C1orf159: variants seen among roughly 807,000 people sequenced by gnomAD.
C1orf159 encodes uncharacterized protein C1orf159.
Under a neutral mutation model 25.6 loss-of-function variants are expected in C1orf159, and 19 were observed. The observed-to-expected ratio is 0.74, with a 90% CI of 0.52 to 1.09. C1orf159 has a LOEUF of 1.09. C1orf159 is among the 50% of genes least tolerant of loss of function. The probability of loss-of-function intolerance (pLI) is 0.00; values close to 1 mark genes in which losing one functional copy is unlikely to be tolerated. For missense variants in C1orf159, 274 were observed against 290.6 expected (o/e 0.94, Z 0.42); for synonymous variants, 139 against 124.7 (o/e 1.12, Z -0.77).
At chr1:1,098,974 C>A (rs1440041579) in intron 1 of C1orf159, among the ~76,000 whole-genome samples, 2 of 134,814 alleles carry the variant, frequency 1.5e-5, no homozygotes, top group East Asian at 4.1e-4. Context: ...TACTCAGATC[C>A]CCCATGTCTT....
chr1:1,093,901 C>T (rs1645975030), intron 1 of C1orf159, among the ~76,000 whole-genome samples: 1 of 152,142 alleles, frequency 6.6e-6, no homozygotes, highest in Non-Finnish European at 1.5e-5. Context: ...CTCCCACTGG[C>T]GATGTGGGTG....
At position 1,086,094 on chromosome 1, in the gene C1orf159, C is replaced by G. The variant is rs1416058568; in HGVS notation, c.311-82G>C. The G allele has an allele frequency of 2.0e-6, 3 of 1,511,164 alleles. No homozygotes were observed. In the African/African-American group the frequency reaches 4.1e-5, roughly 21 times the overall value. 93.6% of individuals were successfully genotyped at this position (1,511,164 alleles called of 1,614,324 possible). ...GGCCCCCGGTGCCCCCTGCACATGG[C>G]AGATGCGCTGCTCTCTGAACATGCC... On this transcript the variant is annotated intron_variant, in intron 6 of 9. Coordinates refer to ENST00000421241, the MANE Select transcript of C1orf159 (RefSeq NM_017891.5).
At chr1:1,093,473 C>A (rs1645968982) in intron 1 of C1orf159, among the ~76,000 whole-genome samples, 1 of 152,230 alleles carries the variant, frequency 6.6e-6, no homozygotes, top group African/African-American at 2.4e-5. Flanking sequence ...AGGACGGTGC[C>A]CGGTCCCACA....
chr1:1,109,949 G>A (rs769032210), intron 1 of C1orf159, among the ~76,000 whole-genome samples: 6 of 152,330 alleles, frequency 3.9e-5, no homozygotes, highest in South Asian at 2.1e-4. Flanking sequence ...AGTTATGGCC[G>A]TGAAATGGGG....
chr1:1,105,421 G>A (rs138831851), intron 1 of C1orf159, among the ~76,000 whole-genome samples: 11 of 152,110 alleles, frequency 7.2e-5, no homozygotes, highest in African/African-American at 2.2e-4. Context: ...TGGGAGGATC[G>A]CTTGAGTCCA....
At chr1:1,090,489 G>A (rs1645911241) in intron 3 of C1orf159, 61 bp from the exon 4 acceptor site, 1 of 1,508,192 alleles carries the variant, frequency 6.6e-7, no homozygotes, top group Non-Finnish European at 9.0e-7. Flanking sequence ...CACGCCCAGA[G>A]CAGCAGCGGC....
At chr1:1,083,338 G>A (rs779392832) in intron 9 of C1orf159, 4 of 258,586 alleles carry the variant, frequency 1.5e-5, no homozygotes, top group African/African-American at 2.3e-5. Flanking sequence ...CCTCGAATGT[G>A]ACCTTATTTA....
chr1:1,109,441 T>C lies in C1orf159; in HGVS notation c.-136+6619A>G, dbSNP rs1466836683. On this transcript the variant is annotated intron_variant, in intron 1 of 9. Transcript: ENST00000421241. ...CTTTCCTTTTTCCTTTCCTCTTTTC[T>C]CCTTTCTTTCCTTTCCTCCTTTTTA... is the stretch of plus-strand genomic sequence containing the variant. Among the ~76,000 whole-genome samples the C allele has an allele frequency of 3.9e-5, 6 of 152,098 alleles. No individual in the cohort carries two copies. The East Asian group carries it at 1.2e-3, about 29-fold the overall frequency.
intron 7 of C1orf159, among the ~76,000 whole-genome samples, chr1:1,084,732 T>A (rs1378540476): frequency 6.6e-6 from 1 of 152,086 alleles, no homozygotes; most frequent in Non-Finnish European, 1.5e-5. Context: ...CACTCACAGG[T>A]GCGGGGGCCT....
In C1orf159 at chr1:1,087,090, C is replaced by A; in HGVS notation, c.310+49G>T. 1 of 1,567,730 alleles carries A rather than the reference C, an allele frequency of 6.4e-7. No individual in the cohort carries two copies. The highest frequency in any genetic ancestry group is 8.7e-7 in the Non-Finnish European group (1 of 1,152,212). The stretch of plus-strand genomic sequence containing the variant: ...GGGTCTGCACTGGCTCCGACGGCCC[C>A]CAGCCCCCAGGACACCGGCAGAGGT... On this transcript the variant is annotated intron_variant, in intron 6 of 9. Coordinates refer to ENST00000421241, the MANE Select transcript of C1orf159 (RefSeq NM_017891.5). The surrounding 1 kb of genome is among the most constrained non-coding windows in gnomAD (Gnocchi z 8.3).
rs1409456857 is a variant in C1orf159, at chr1:1,082,902, G to A, written c.588C>T (p.Ser196=). 1.9e-6 allele frequency: 3 copies of A among 1,592,336 alleles called. No homozygotes were observed. Among genetic ancestry groups the A allele is most frequent in the Non-Finnish European group, 2.6e-6 (3 of 1,169,854 alleles). ...PAAFPGEARI[S]NV ...GGTCTCGGCCTCCAGGTCAGACATT[G>A]CTGATACGGGCCTCCCCCGGGAAGG... Residue 196 remains serine (S), a synonymous_variant, in exon 10 of 10, where the codon AGC becomes AGT. Transcript: ENST00000421241.
At position 1,084,479 on chromosome 1, in the gene C1orf159, ACGG is replaced by A; in HGVS notation, c.470_471+1del. 1 of 1,561,040 alleles carries A rather than the reference ACGG, an allele frequency of 6.4e-7. No homozygotes were observed. The highest frequency in any genetic ancestry group is 8.7e-7 in the Non-Finnish European group (1 of 1,153,290). ...TCAGCCCGGATGATGTGGGTTACTTACGGCTTCGCCAGGCTGCAGGGCCGGAGC... is the reference window on the plus strand; with the variant it reads ...TCAGCCCGGATGATGTGGGTTACTTACTTCGCCAGGCTGCAGGGCCGGAGC... On this transcript the variant is annotated splice_donor_variant and coding_sequence_variant, in exon 8 of 10. Transcript: ENST00000421241. LOFTEE classifies it high-confidence loss of function.
intron 6 of C1orf159, among the ~76,000 whole-genome samples, chr1:1,086,859 G>A (rs1645838335): frequency 6.6e-6 from 1 of 152,176 alleles, no homozygotes; most frequent in South Asian, 2.1e-4. Flanking sequence ...CTGAGAGCGT[G>A]TGGCTGTGAG....
intron 4 of C1orf159, 21 bp downstream of exon 4, chr1:1,090,332 G>C: frequency 6.5e-7 from 1 of 1,550,268 alleles, no homozygotes; most frequent in Non-Finnish European, 8.7e-7. Context: ...TCTGGAATCT[G>C]CTTGGGACAA....
intron 9 of C1orf159, 33 bp from the exon 10 acceptor site, chr1:1,083,020 T>C (rs1645770289): frequency 6.5e-7 from 1 of 1,540,736 alleles, no homozygotes; most frequent in Non-Finnish European, 8.8e-7. Flanking sequence ...GAGGTCAGAG[T>C]GGGACCTGGA....
chr1:1,112,157 T>C (rs1303266276), intron 1 of C1orf159, among the ~76,000 whole-genome samples: 1 of 152,128 alleles, frequency 6.6e-6, no homozygotes, highest in Non-Finnish European at 1.5e-5. Flanking sequence ...AAAGAACTGG[T>C]TGCACCCAGC....
intron 1 of C1orf159, among the ~76,000 whole-genome samples, chr1:1,111,933 T>C (rs961335280): frequency 6.6e-6 from 1 of 152,198 alleles, no homozygotes; most frequent in Non-Finnish European, 1.5e-5. Flanking sequence ...AGAAAACAAA[T>C]ACCGCAAACC....
intron 9 of C1orf159, chr1:1,083,762 G>T: frequency 1.4e-6 from 1 of 699,270 alleles, no homozygotes; most frequent in Non-Finnish European, 2.4e-6. Context: ...AGAACGGTCT[G>T]TCCCCTAAAG....
At position 1,087,479 on chromosome 1, in the gene C1orf159, C is replaced by A; in HGVS notation, c.244+23G>T. ...ACAGCTGGAGCTGTGAGAAGGGAGC[C>A]GGGGGGAGCCGGGCAGACCTACAGC... is the stretch of plus-strand genomic sequence containing the variant. On this transcript the variant is annotated intron_variant, in intron 5 of 9. Transcript: ENST00000421241. The surrounding 1 kb of genome is among the most constrained non-coding windows in gnomAD (Gnocchi z 8.3). The A allele has an allele frequency of 6.5e-7, 1 of 1,535,536 alleles. No individual in the cohort carries two copies. Among genetic ancestry groups the A allele is most frequent in the Non-Finnish European group, 8.8e-7 (1 of 1,135,532 alleles).
Sources: gnomAD v4.1 joint callset for allele counts (sites outside exome capture counted in the v4.1 genomes callset) on GRCh38, gnomAD v4.1.1 for gene constraint, Gnocchi (gnomAD v3.1) non-coding constraint, MANE v1.5 for transcripts, NCBI Gene and HGNC (gene_info 2026-07-23, HGNC 2026-07-21) for gene names.